PRDM5: variants seen among roughly 807,000 people sequenced by gnomAD.
The protein encoded by PRDM5 is PR/SET domain 5, also known as PR domain zinc finger protein 5.
Under a neutral mutation model 81.2 loss-of-function variants are expected in PRDM5, and 56 were observed. The ratio of observed to expected loss-of-function variants is 0.69; its 90% CI spans 0.56 to 0.86. The LOEUF is 0.86. PRDM5 is among the 40% of genes least tolerant of loss of function. The pLI is 0.00. For synonymous variants in PRDM5, 267 were observed against 256.4 expected (o/e 1.04, Z -0.39); for missense variants, 697 against 770.1 (o/e 0.91, Z 1.12).
intron 2 of PRDM5, among the ~76,000 whole-genome samples, chr4:120,885,181 C>T (rs931519676): frequency 2.4e-5 from 3 of 125,522 alleles, no homozygotes; most frequent in Middle Eastern, 4.0e-3. Flanking sequence ...AAAAGACATA[C>T]GACACATTAC....
chr4:120,711,024 T>C (rs1415038545), intron 14 of PRDM5, among the ~76,000 whole-genome samples: 1 of 152,220 alleles, frequency 6.6e-6, no homozygotes, highest in African/African-American at 2.4e-5. Context: ...CTACATTTCC[T>C]CCAATGATGT....
chr4:120,867,453 T>C (rs1761315555), intron 2 of PRDM5, among the ~76,000 whole-genome samples: 1 of 152,202 alleles, frequency 6.6e-6, no homozygotes, highest in Non-Finnish European at 1.5e-5. Context: ...TTTTTTCATT[T>C]ATTACTGAAT....
At chr4:120,717,062 GAAAAA>G (rs5861486) in intron 14 of PRDM5, among the ~76,000 whole-genome samples, 1 of 137,644 alleles carries the variant, frequency 7.3e-6, no homozygotes, top group Non-Finnish European at 1.6e-5. Context: ...TGAACATTGT[GAAAAA>G]AAAAAAAAAA....
At chr4:120,912,680 C>T (rs1766653273) in intron 1 of PRDM5, among the ~76,000 whole-genome samples, 1 of 152,070 alleles carries the variant, frequency 6.6e-6, no homozygotes, top group African/African-American at 2.4e-5. Context: ...GTTGGATTTG[C>T]TAAAACAGCA....
At chr4:120,735,736 T>C (rs1578523178) in intron 14 of PRDM5, among the ~76,000 whole-genome samples, 1 of 152,232 alleles carries the variant, frequency 6.6e-6, no homozygotes, top group South Asian at 2.1e-4. Context: ...ACTGGGGGCA[T>C]CGTCTTGAGA....
At position 120,846,498 on chromosome 4, in the gene PRDM5, T is replaced by G. The variant is rs138982180; in HGVS notation, c.300+6920A>C. Among the ~76,000 whole-genome samples the G allele has an allele frequency of 3.1e-3, 477 of 152,336 alleles. 3 individuals are homozygous for G. Among genetic ancestry groups the G allele is most frequent in the African/African-American group, 0.011 (469 of 41,584 alleles). Reference sequence around the variant, plus strand: ...ATTAACACATTTTAGCAATAAAGTATTCTTTAAAGATATGTGTATTTTTTA... The same window carrying G: ...ATTAACACATTTTAGCAATAAAGTAGTCTTTAAAGATATGTGTATTTTTTA... On this transcript the variant is annotated intron_variant, in intron 3 of 15. Coordinates refer to ENST00000264808, the MANE Select transcript of PRDM5 (RefSeq NM_018699.4).
intron 3 of PRDM5, among the ~76,000 whole-genome samples, chr4:120,850,498 C>T (rs116045696): frequency 1.6e-3 from 250 of 152,252 alleles, no homozygotes; most frequent in African/African-American, 5.5e-3. Flanking sequence ...GATGTTACCT[C>T]AAGGGAGCTA....
intron 15 of PRDM5, among the ~76,000 whole-genome samples, chr4:120,702,146 T>G (rs13119501): frequency 0.82 from 124,785 of 152,172 alleles, 51,858 homozygotes; most frequent in East Asian, 0.91. Flanking sequence ...GCTAAATACT[T>G]TCTGAATCTC....
chr4:120,768,250 A>G (rs905362032), intron 13 of PRDM5, among the ~76,000 whole-genome samples: 2 of 152,314 alleles, frequency 1.3e-5, no homozygotes, highest in African/African-American at 4.8e-5. Context: ...AAAAAAAGAG[A>G]TAACTTAAAA....
intron 14 of PRDM5, among the ~76,000 whole-genome samples, chr4:120,734,616 C>G (rs1290056483): frequency 6.6e-6 from 1 of 152,172 alleles, no homozygotes; most frequent in African/African-American, 2.4e-5. Context: ...AAACGCTTCC[C>G]TTCCCTTGGC....
chr4:120,787,189 G>A (rs1015184952), intron 10 of PRDM5, among the ~76,000 whole-genome samples: 1 of 152,160 alleles, frequency 6.6e-6, no homozygotes, highest in Non-Finnish European at 1.5e-5. Flanking sequence ...GGTGACCTAT[G>A]AGATAAGATC....
chr4:120,875,670 G>C (rs1483835277), intron 2 of PRDM5, among the ~76,000 whole-genome samples: 1 of 152,222 alleles, frequency 6.6e-6, no homozygotes, highest in Non-Finnish European at 1.5e-5. Flanking sequence ...CATGGGGAGA[G>C]TATGATGTGA....
intron 14 of PRDM5, among the ~76,000 whole-genome samples, chr4:120,727,306 TG>T (rs1739570068): frequency 1.3e-5 from 2 of 151,116 alleles, no homozygotes; most frequent in Non-Finnish European, 3.0e-5. Flanking sequence ...TGTATATATG[TG>T]TGTGTGTGTG....
intron 2 of PRDM5, among the ~76,000 whole-genome samples, chr4:120,904,329 C>CAGAAGGGG (rs1161529163): frequency 6.6e-6 from 1 of 150,436 alleles, no homozygotes; most frequent in Non-Finnish European, 1.5e-5. Context: ...GAAAAAGAAC[C>CAGAAGGGG]AGAAGGGGAG....
At chr4:120,770,595 A>G (rs1365574094) in intron 13 of PRDM5, among the ~76,000 whole-genome samples, 1 of 152,132 alleles carries the variant, frequency 6.6e-6, no homozygotes, top group Admixed American at 6.5e-5. Context: ...TAGGTTCAAG[A>G]AAGTATGGAC....
intron 14 of PRDM5, among the ~76,000 whole-genome samples, chr4:120,742,795 A>G (rs1742274316): frequency 6.6e-6 from 1 of 152,006 alleles, no homozygotes; most frequent in Non-Finnish European, 1.5e-5. Flanking sequence ...GACCAAATCT[A>G]CGTCTGATTG....
chr4:120,699,193 TA>T (rs1560890079), intron 15 of PRDM5, among the ~76,000 whole-genome samples: 3,626 of 128,880 alleles, frequency 0.028, 138 homozygotes, highest in East Asian at 0.094. Context: ...TATATATATA[TA>T]TATATATATA....
At chr4:120,738,879 G>A (rs988909487) in intron 14 of PRDM5, among the ~76,000 whole-genome samples, 6 of 152,012 alleles carry the variant, frequency 3.9e-5, no homozygotes, top group Admixed American at 6.5e-5. Flanking sequence ...TATTGTTTAT[G>A]GTTTAATATT....
chr4:120,907,441 T>G (rs373213460), intron 2 of PRDM5, 33 bp downstream of exon 2: 1 of 1,494,932 alleles, frequency 6.7e-7, no homozygotes, highest in South Asian at 1.1e-5. Flanking sequence ...AATACAAATA[T>G]ATTTTTAACA....
Sources: allele counts gnomAD v4.1 joint callset (sites outside exome capture counted in the v4.1 genomes callset), GRCh38; gene constraint gnomAD v4.1.1; transcripts MANE v1.5; gene names NCBI Gene and HGNC (gene_info 2026-07-23, HGNC 2026-07-21).